LYPD5: variants seen among roughly 807,000 people sequenced by gnomAD.
LYPD5 encodes LY6/PLAUR domain containing 5.
A neutral mutation model predicts 19.1 loss-of-function variants in LYPD5; 21 were observed. The ratio of observed to expected loss-of-function variants is 1.10; its 90% CI spans 0.78 to 1.58. The LOEUF is 1.58. Among genes scored for constraint, LYPD5 ranks in the 40% most tolerant of loss-of-function variants. LYPD5 has a pLI of 0.00. For synonymous variants in LYPD5, 128 were observed against 142.7 expected (o/e 0.90, Z 0.74); for missense variants, 287 against 329.8 (o/e 0.87, Z 1.00).
chr19:43,800,936 GGGC>G (rs1389443738), intron 1 of LYPD5, among the ~76,000 whole-genome samples: 5 of 144,934 alleles, frequency 3.4e-5, no homozygotes, highest in Middle Eastern at 3.4e-3. Context: ...ACTCCAGCCT[GGGC>G]GGCGACAGAG....
At chr19:43,799,684 T>A (rs1970195870) in intron 2 of LYPD5, 22 bp downstream of exon 2, 1 of 1,605,816 alleles carries the variant, frequency 6.2e-7, no homozygotes, top group African/African-American at 1.3e-5. Flanking sequence ...CTCATCCCTG[T>A]CCCCCGGCTC....
At chr19:43,799,400 C>T (rs1333408346) in intron 2 of LYPD5, among the ~76,000 whole-genome samples, 1 of 152,102 alleles carries the variant, frequency 6.6e-6, no homozygotes, top group African/African-American at 2.4e-5. Flanking sequence ...CCCGCCACCA[C>T]GCCCAGCTAA....
Position 43,799,827 on chromosome 19 carries a change from TTGGG to T in LYPD5, c.68_71del (p.Ser23Ter). ...GCTCAAAGCTGTAGCACTGCAGGGCTTGGGACCCTGGGGAGAGAGGCGTGGCAGA... is the reference window on the plus strand; with the variant it reads ...GCTCAAAGCTGTAGCACTGCAGGGCTACCCTGGGGAGAGAGGCGTGGCAGA... On this transcript the variant is annotated frameshift_variant, in exon 2 of 5. Transcript: ENST00000377950. LOFTEE classifies it high-confidence loss of function. 1 of 1,611,694 alleles carries T rather than the reference TTGGG, an allele frequency of 6.2e-7. No homozygotes were observed. The highest frequency in any genetic ancestry group is 8.5e-7 in the Non-Finnish European group (1 of 1,179,094).
At chr19:43,807,429 G>C (rs1290063229), upstream of LYPD5, among the ~76,000 whole-genome samples, 1 of 151,722 alleles carries the variant, frequency 6.6e-6, no homozygotes, top group Non-Finnish European at 1.5e-5. Context: ...ATTTACAGGC[G>C]CCTGCCACCA....
chr19:43,810,623 C>T (rs1287067672), intron 1 of LYPD5, among the ~76,000 whole-genome samples: 1 of 135,602 alleles, frequency 7.4e-6, no homozygotes, highest in East Asian at 2.4e-4. Flanking sequence ...TCCTTTCTTT[C>T]CGTTTTTCTT....
At chr19:43,812,374 T>TATCTATCA (rs1039208367) in intron 1 of LYPD5, among the ~76,000 whole-genome samples, 44 of 124,738 alleles carry the variant, frequency 3.5e-4, no homozygotes, top group Non-Finnish European at 4.9e-4. Context: ...TCTATCTATC[T>TATCTATCA]ATCAATCTAT....
chr19:43,803,437 A>G (rs188020376), upstream of LYPD5, among the ~76,000 whole-genome samples: 100 of 152,266 alleles, frequency 6.6e-4, no homozygotes, highest in Non-Finnish European at 7.5e-4. Context: ...TGCTGCCTGG[A>G]GATGCTGCCT....
chr19:43,816,067 T>TATCTATCTATCTATCA lies in LYPD5; in HGVS notation c.-66+4472_-66+4473insTGATAGATAGATAGAT, dbSNP rs1555729545. ...CTATCTATCTATCTATCTATCTATC[T>TATCTATCTATCTATCA]ATCTATCTATCTACCTATCATGTAT... On this transcript the variant is annotated intron_variant, in intron 1 of 4. Transcript: ENST00000414615. Among the ~76,000 whole-genome samples the TATCTATCTATCTATCA allele has an allele frequency of 5.0e-4, 76 of 152,148 alleles. 1 individual carries two copies. Among genetic ancestry groups the TATCTATCTATCTATCA allele is most frequent in the African/African-American group, 1.6e-3 (68 of 41,502 alleles).
At chr19:43,801,704 GCA>G (rs1970225081) in intron 1 of LYPD5, among the ~76,000 whole-genome samples, 1 of 152,114 alleles carries the variant, frequency 6.6e-6, no homozygotes, top group African/African-American at 2.4e-5. Context: ...ACACACACAA[GCA>G]CAGAGACTCA....
rs349053 is a variant in LYPD5 at position 43,798,472 on chromosome 19, T to C, written c.500A>G (p.Asn167Ser). The change falls in exon 4 of 5, where the codon AAT becomes AGT. Residue 167 changes from asparagine (N) to serine (S), a missense_variant. Asn to Ser is a conservative substitution (Grantham distance 46). Coordinates refer to ENST00000377950, the MANE Select transcript of LYPD5 (RefSeq NM_001031749.3). ...HQDQTACFQG[N>S]GRMTVGNFSV... ...CCCCTTACCAACTGTCATTCTGCCA[T>C]TGCCCTGGAAGCAGGCGGTCTGGTC... The C allele has an allele frequency of 0.48, 769,681 of 1,607,422 alleles. 190,341 individuals are homozygous for C. Among genetic ancestry groups the C allele is most frequent in the South Asian group, 0.64 (58,567 of 91,082 alleles).
At chr19:43,798,343 A>G in intron 4 of LYPD5, 112 bp downstream of exon 4, 1 of 1,076,882 alleles carries the variant, frequency 9.3e-7, no homozygotes, top group Non-Finnish European at 1.3e-6. Context: ...CATGCCTCCC[A>G]CCTCAGAGCA....
chr19:43,802,830 C>G (rs1282787178), upstream of LYPD5, among the ~76,000 whole-genome samples: 1 of 152,150 alleles, frequency 6.6e-6, no homozygotes, highest in East Asian at 1.9e-4. Context: ...AACCCCATCT[C>G]CCCACTCATC....
At chr19:43,813,037 A>G (rs1378944189) in intron 1 of LYPD5, among the ~76,000 whole-genome samples, 1 of 152,122 alleles carries the variant, frequency 6.6e-6, no homozygotes, top group Non-Finnish European at 1.5e-5. Context: ...CCCACCTCCG[A>G]CCTCATAAAG....
intron 1 of LYPD5, among the ~76,000 whole-genome samples, chr19:43,815,347 AAAAG>A (rs1171402166): frequency 1.3e-5 from 2 of 152,076 alleles, no homozygotes; most frequent in Non-Finnish European, 2.9e-5. Flanking sequence ...TCTAAAAAAA[AAAAG>A]AAAGAAAGAA....
chr19:43,809,430 G>A (rs547363780), intron 1 of LYPD5, among the ~76,000 whole-genome samples: 3 of 151,614 alleles, frequency 2.0e-5, no homozygotes, highest in Non-Finnish European at 4.4e-5. Context: ...ACCCAGGCTG[G>A]AGTGCAATGG....
At chr19:43,804,705 CT>C, upstream of LYPD5, among the ~76,000 whole-genome samples, 1 of 152,144 alleles carries the variant, frequency 6.6e-6, no homozygotes, top group Non-Finnish European at 1.5e-5. Flanking sequence ...ATTATTCTTC[CT>C]TCCTGATTCT....
At chr19:43,817,923 C>T (rs958086961) in intron 1 of LYPD5, among the ~76,000 whole-genome samples, 1 of 151,870 alleles carries the variant, frequency 6.6e-6, no homozygotes, top group Admixed American at 6.6e-5. Context: ...ACCTTTTTGG[C>T]CAGGATGGTC....
intron 3 of LYPD5, 93 bp downstream of exon 3, chr19:43,798,719 C>T: frequency 6.4e-7 from 1 of 1,569,818 alleles, no homozygotes; most frequent in Non-Finnish European, 8.6e-7. Flanking sequence ...CCTAGCGCGC[C>T]AAGAGCAGGC....
In LYPD5 at chr19:43,797,629, G is replaced by T. The variant is rs778672556; in HGVS notation, c.718C>A (p.Leu240Ile). Residue 240 changes from leucine to isoleucine, a missense_variant, in exon 5 of 5, where the codon CTC becomes ATC. By Grantham distance (5) the Leu-to-Ile change is conservative. Coordinates refer to ENST00000377950, the MANE Select transcript of LYPD5 (RefSeq NM_001031749.3). ...PPRALQVLAL[L>I]LPVLLLVGLS... Reference sequence around the variant, plus strand: ...CCCACCAGCAGGAGGACTGGGAGGAGCAGGGCCAGGACCTGTAGTGCTCGG... The same window carrying T: ...CCCACCAGCAGGAGGACTGGGAGGATCAGGGCCAGGACCTGTAGTGCTCGG... 1.2e-6 allele frequency: 2 copies of T among 1,612,344 alleles called. No homozygotes were observed. Among genetic ancestry groups the T allele is most frequent in the East Asian group, 4.5e-5 (2 of 44,852 alleles).
Sources: gnomAD v4.1 joint callset for allele counts (sites outside exome capture counted in the v4.1 genomes callset) on GRCh38, gnomAD v4.1.1 for gene constraint, MANE v1.5 for transcripts, NCBI Gene and HGNC (gene_info 2026-07-23, HGNC 2026-07-21) for gene names.